Variants in UNC79 observed in about 807,000 individuals in gnomAD.
UNC79 encodes the protein unc-79 subunit of NALCN channel complex, also known as protein unc-79 homolog.
A neutral mutation model predicts 283.1 loss-of-function variants in UNC79; 37 were observed. The ratio of observed to expected loss-of-function variants is 0.13; its 90% CI spans 0.10 to 0.17. UNC79 has a LOEUF of 0.17. Ranked by LOEUF, UNC79 falls within the 10% of genes least tolerant of loss-of-function variation. The pLI is 1.00. For synonymous variants in UNC79, 1,107 were observed against 1,200.2 expected (o/e 0.92, Z 1.61); for missense variants, 2,272 against 3,211.1 (o/e 0.71, Z 7.07).
intron 7 of UNC79, among the ~76,000 whole-genome samples, chr14:93,512,826 T>C (rs979208118): frequency 3.3e-5 from 5 of 152,142 alleles, no homozygotes; most frequent in African/African-American, 1.2e-4. Flanking sequence ...TATTTTAAAA[T>C]TCTTATTTTT....
rs1420564620 is a variant in UNC79 at position 93,638,462 on chromosome 14, A to G, written c.5800+1163A>G. ...GAAGTGATGAGAACACTAAGATGGA[A>G]AGTCAGTCTCTTTCATGGTAAACTC... On this transcript the variant is annotated intron_variant, in intron 32 of 48. Coordinates refer to ENST00000555664, the Ensembl canonical transcript of UNC79. Among the ~76,000 whole-genome samples, 6 of 152,294 alleles carry G rather than the reference A, an allele frequency of 3.9e-5. 1 individual carries two copies. In the East Asian group the frequency reaches 1.2e-3, roughly 29 times the overall value.
chr14:93,398,959 G>A (rs2055050801), intron 1 of UNC79, among the ~76,000 whole-genome samples: 1 of 152,126 alleles, frequency 6.6e-6, no homozygotes, highest in South Asian at 2.1e-4. Context: ...CTGAGACTGT[G>A]TAATTTATAA....
intron 1 of UNC79, among the ~76,000 whole-genome samples, chr14:93,461,619 C>G (rs1425719637): frequency 6.6e-6 from 1 of 152,124 alleles, no homozygotes; most frequent in Non-Finnish European, 1.5e-5. Flanking sequence ...TACTTTCATC[C>G]TTACTAGGAA....
chr14:93,455,912 T>TTTTG (rs1555412147), intron 1 of UNC79, among the ~76,000 whole-genome samples: 1 of 144,128 alleles, frequency 6.9e-6, no homozygotes, highest in Non-Finnish European at 1.5e-5. Flanking sequence ...GTACAATGGA[T>TTTTG]TGTGTGTGTG....
intron 31 of UNC79, among the ~76,000 whole-genome samples, chr14:93,633,979 G>A (rs188596713): frequency 6.6e-6 from 1 of 152,230 alleles, no homozygotes; most frequent in Non-Finnish European, 1.5e-5. Context: ...CTCAGTTGCT[G>A]ACTGGTTCCA....
At chr14:93,466,914 G>T in intron 1 of UNC79, 10 of 985,366 alleles carry the variant, frequency 1.0e-5, no homozygotes, top group Non-Finnish European at 1.2e-5. Context: ...GTCTAGGAGG[G>T]TAAATAAATC....
At chr14:93,691,534 G>A (rs892323587) in intron 45 of UNC79, 3 of 590,030 alleles carry the variant, frequency 5.1e-6, no homozygotes, top group African/African-American at 1.9e-5. Flanking sequence ...CTTAAAAAAT[G>A]TGCTTTGTTC....
At chr14:93,571,411 C>T (rs893008837) in intron 14 of UNC79, among the ~76,000 whole-genome samples, 2 of 152,110 alleles carry the variant, frequency 1.3e-5, no homozygotes, top group South Asian at 2.1e-4. Flanking sequence ...TGGCAGGGTA[C>T]GCAGCATAGG....
At chr14:93,580,224 A>G (rs761521691) in exon 19 of UNC79, 10 of 1,614,050 alleles carry the variant, frequency 6.2e-6, no homozygotes, top group Non-Finnish European at 8.5e-6. Context: ...TATTATAAAC[A>G]ATGTCTTCCA....
intron 1 of UNC79, among the ~76,000 whole-genome samples, chr14:93,453,789 G>A (rs1256086534): frequency 3.9e-5 from 6 of 152,062 alleles, no homozygotes; most frequent in African/African-American, 1.4e-4. Flanking sequence ...GTTTCAAATT[G>A]TTACATATCC....
chr14:93,335,666 G>A (rs2053563347), intron 1 of UNC79, among the ~76,000 whole-genome samples: 1 of 152,190 alleles, frequency 6.6e-6, no homozygotes, highest in Non-Finnish European at 1.5e-5. Context: ...GACTCGAAAG[G>A]ACATGTAAAT....
intron 19 of UNC79, among the ~76,000 whole-genome samples, chr14:93,581,462 C>T (rs950178347): frequency 4.6e-5 from 7 of 150,908 alleles, no homozygotes; most frequent in African/African-American, 1.7e-4. Context: ...CATGAACCAC[C>T]ACACCTGGCC....
chr14:93,643,527 A>T (rs145666831), intron 33 of UNC79, 30 bp from the exon 37 acceptor site: 1 of 1,613,510 alleles, frequency 6.2e-7, no homozygotes, highest in South Asian at 1.1e-5. Flanking sequence ...TCTTTCTTTC[A>T]TGGAAAGCAT....
intron 1 of UNC79, among the ~76,000 whole-genome samples, chr14:93,458,390 G>A (rs969304601): frequency 6.6e-6 from 1 of 152,228 alleles, no homozygotes; most frequent in African/African-American, 2.4e-5. Context: ...CATAGCTGTA[G>A]GTGGGAACTC....
chr14:93,458,140 A>C (rs1382678379), intron 1 of UNC79, among the ~76,000 whole-genome samples: 1 of 152,204 alleles, frequency 6.6e-6, no homozygotes, highest in Non-Finnish European at 1.5e-5. Flanking sequence ...ATACCTTAAA[A>C]GGGGGCAATG....
At chr14:93,508,204 GAA>G (rs113575263) in intron 7 of UNC79, among the ~76,000 whole-genome samples, 2 of 124,658 alleles carry the variant, frequency 1.6e-5, no homozygotes, top group African/African-American at 2.9e-5. Flanking sequence ...AATTTCTGTC[GAA>G]AAAAAAAAAA....
intron 41 of UNC79, among the ~76,000 whole-genome samples, chr14:93,681,291 A>G (rs1165124344): frequency 6.6e-6 from 1 of 152,172 alleles, no homozygotes; most frequent in Admixed American, 6.5e-5. Context: ...CGTGCTTTCC[A>G]TGGAGGACGC....
intron 1 of UNC79, among the ~76,000 whole-genome samples, chr14:93,435,837 C>A (rs2056066527): frequency 6.6e-6 from 1 of 152,168 alleles, no homozygotes; most frequent in Non-Finnish European, 1.5e-5. Flanking sequence ...TCCTCCAATG[C>A]ATCATGTTCT....
At chr14:93,561,720 C>A (rs1178069983) in intron 14 of UNC79, among the ~76,000 whole-genome samples, 1 of 152,034 alleles carries the variant, frequency 6.6e-6, no homozygotes, top group Admixed American at 6.6e-5. Context: ...TTGGAGGGTG[C>A]CCTGCCAGCA....
Sources: allele counts gnomAD v4.1 joint callset (sites outside exome capture counted in the v4.1 genomes callset), GRCh38; gene constraint gnomAD v4.1.1; transcripts MANE v1.5; gene names NCBI Gene and HGNC (gene_info 2026-07-23, HGNC 2026-07-21).